The following AGTPBP1 variants were observed in gnomAD, a reference collection of about 807,000 sequenced individuals.
The protein encoded by AGTPBP1 is ATP/GTP binding carboxypeptidase 1, also known as cytosolic carboxypeptidase 1.
Under a neutral mutation model 143.9 loss-of-function variants are expected in AGTPBP1, and 70 were observed. The ratio of observed to expected loss-of-function variants is 0.49; its 90% CI spans 0.40 to 0.59. The LOEUF is 0.59. Among genes scored for constraint, AGTPBP1 ranks in the 20% least tolerant of loss-of-function variants. AGTPBP1 has a pLI of 0.00. For synonymous variants in AGTPBP1, 463 were observed against 500.2 expected, an observed-to-expected ratio of 0.93 and a Z score of 0.99; for missense variants, 1,229 against 1,464.5, an observed-to-expected ratio of 0.84 and a Z score of 2.62.
chr9:85,709,187 A>G (rs1319224975), intron 2 of AGTPBP1, among the ~76,000 whole-genome samples: 5 of 152,238 alleles, frequency 3.3e-5, no homozygotes, highest in East Asian at 1.9e-4. Context: ...ACATCATTCA[A>G]TATAATTCAC....
chr9:85,572,063 G>GT (rs942545400), intron 25 of AGTPBP1, among the ~76,000 whole-genome samples: 2 of 98,386 alleles, frequency 2.0e-5, no homozygotes, highest in Non-Finnish European at 4.4e-5. Context: ...GTTTCATTCT[G>GT]TCACCCAGGA....
chr9:85,752,005 G>T, the AGTPBP1 span, among the ~76,000 whole-genome samples: 2 of 149,548 alleles, frequency 1.3e-5, no homozygotes, highest in Admixed American at 1.3e-4. Context: ...GAGGCAGGTG[G>T]ATCACCTGAG....
chr9:85,765,486 C>T, the AGTPBP1 span, among the ~76,000 whole-genome samples: 1 of 152,060 alleles, frequency 6.6e-6, no homozygotes, highest in Non-Finnish European at 1.5e-5. Flanking sequence ...GTTTTAGTTA[C>T]AGTTTTTTTA....
intron 6 of AGTPBP1, among the ~76,000 whole-genome samples, chr9:85,675,114 C>A (rs1445820064): frequency 6.6e-6 from 1 of 151,956 alleles, no homozygotes; most frequent in Non-Finnish European, 1.5e-5. Flanking sequence ...GCCAGGCTGA[C>A]CTCAAACTCC....
chr9:85,655,564 C>T (rs545958845), intron 10 of AGTPBP1, among the ~76,000 whole-genome samples: 1 of 152,084 alleles, frequency 6.6e-6, no homozygotes, highest in East Asian at 1.9e-4. Flanking sequence ...AAGCAGAAAT[C>T]AGTACCATCT....
rs752823752 is a variant in AGTPBP1, at chr9:85,596,318, C to T, written c.2423+44G>A. 5.2e-6 allele frequency: 7 copies of T among 1,344,548 alleles called. No individual in the cohort carries two copies. In the African/African-American group the frequency reaches 8.8e-5, roughly 17 times the overall value. 83.3% of individuals were successfully genotyped at this position (1,344,548 alleles called of 1,614,324 possible). On this transcript the variant is annotated intron_variant, in intron 18 of 25. Transcript: ENST00000357081. The stretch of plus-strand genomic sequence containing the variant: ...CTGAAACAGGATGTACTTAATACTG[C>T]CTTCTGTAAGCTGACATTCTATTAA...
At chr9:85,738,041 A>G (rs1308431791) in intron 1 of AGTPBP1, among the ~76,000 whole-genome samples, 1 of 152,234 alleles carries the variant, frequency 6.6e-6, no homozygotes, top group Non-Finnish European at 1.5e-5. Flanking sequence ...CACTTTTCTC[A>G]CTACCTTATT....
the AGTPBP1 span, among the ~76,000 whole-genome samples, chr9:85,764,206 T>TA: frequency 2.9e-4 from 40 of 138,294 alleles, no homozygotes; most frequent in Non-Finnish European, 4.3e-4. Flanking sequence ...TTTTTTTTTT[T>TA]AAAAAGGCAT....
rs200269013 is a variant in AGTPBP1 at position 85,547,105 on chromosome 9, G to C, written c.*4C>G. ...TTTGCAGTTAACAAGAGATGGCAGC[G>C]GGCTCAAGGTAGGTATGTTCTTGAT... On this transcript the variant is annotated 3_prime_UTR_variant, in exon 26 of 26. Transcript: ENST00000357081. 7.6e-6 allele frequency: 12 copies of C among 1,589,306 alleles called. No individual in the cohort carries two copies. The highest frequency in any genetic ancestry group is 1.7e-4 in the Middle Eastern group (1 of 5,980).
chr9:85,587,837 C>G (rs553813043), intron 21 of AGTPBP1, among the ~76,000 whole-genome samples: 1 of 152,184 alleles, frequency 6.6e-6, no homozygotes, highest in African/African-American at 2.4e-5. Flanking sequence ...CTCTAAAGAA[C>G]TCCTGTCAAA....
intron 1 of AGTPBP1, among the ~76,000 whole-genome samples, chr9:85,733,014 G>A (rs1838990718): frequency 6.6e-6 from 1 of 152,076 alleles, no homozygotes; most frequent in South Asian, 2.1e-4. Flanking sequence ...ACATAATTAT[G>A]GGGAGAAATA....
intron 4 of AGTPBP1, 66 bp from the exon 5 acceptor site, chr9:85,678,464 TG>T: frequency 1.9e-6 from 2 of 1,026,058 alleles, no homozygotes; most frequent in Non-Finnish European, 2.9e-6. Context: ...TTGAATCCAC[TG>T]GGAACTACCT....
chr9:85,761,428 AT>A, the AGTPBP1 span, among the ~76,000 whole-genome samples: 11 of 152,340 alleles, frequency 7.2e-5, no homozygotes, highest in East Asian at 2.1e-3. Flanking sequence ...AAACAGAGAT[AT>A]AGACCAATGG....
intron 3 of AGTPBP1, among the ~76,000 whole-genome samples, chr9:85,686,291 A>G (rs1398152728): frequency 6.6e-6 from 1 of 152,136 alleles, no homozygotes; most frequent in Non-Finnish European, 1.5e-5. Context: ...CAGCAACCGT[A>G]GGAAAGCTTG....
intron 2 of AGTPBP1, among the ~76,000 whole-genome samples, chr9:85,696,474 C>A (rs1194195596): frequency 6.6e-6 from 1 of 152,014 alleles, no homozygotes; most frequent in Non-Finnish European, 1.5e-5. Context: ...TCGAGACCAG[C>A]CTGGTCAACA....
chr9:85,592,513 T>A (rs758929992), intron 19 of AGTPBP1, 47 bp downstream of exon 19: 14 of 1,329,966 alleles, frequency 1.1e-5, no homozygotes, highest in Non-Finnish European at 1.4e-5. Context: ...TTTTCTTCCA[T>A]TATCTTATAC....
At chr9:85,775,937 A>G in the AGTPBP1 span, among the ~76,000 whole-genome samples, 2 of 152,282 alleles carry the variant, frequency 1.3e-5, no homozygotes, top group African/African-American at 4.8e-5. Context: ...CAGGATCAAT[A>G]CTTTGCATCC....
chr9:85,785,344 A>C, the AGTPBP1 span, among the ~76,000 whole-genome samples: 1 of 149,684 alleles, frequency 6.7e-6, no homozygotes, highest in East Asian at 1.9e-4. Context: ...AAAAAAAAAC[A>C]AACAAAAAAC....
At chr9:85,596,485 T>G in intron 17 of AGTPBP1, 36 bp from the exon 18 acceptor site, 1 of 1,362,184 alleles carries the variant, frequency 7.3e-7, no homozygotes, top group Non-Finnish European at 1.0e-6. Flanking sequence ...AAAATTATTT[T>G]CATAATTTTT....
Sources: allele counts gnomAD v4.1 joint callset (sites outside exome capture counted in the v4.1 genomes callset), GRCh38; gene constraint gnomAD v4.1.1; transcripts MANE v1.5; gene names NCBI Gene and HGNC (gene_info 2026-07-23, HGNC 2026-07-21).